Variants in ASAH2B observed in about 807,000 individuals in gnomAD.
ASAH2B encodes the protein putative inactive neutral ceramidase B.
A neutral mutation model predicts 2.9 loss-of-function variants in ASAH2B; 1 was observed. The ratio of observed to expected loss-of-function variants is 0.34; its 90% CI spans 0.12 to 1.63. The LOEUF (loss-of-function observed/expected upper bound fraction) is 1.63, where lower values mean the gene tolerates loss of function less well. Among genes scored for constraint, ASAH2B ranks in the 40% most tolerant of loss-of-function variants. The pLI is 0.36. For synonymous variants in ASAH2B, 4 were observed against 13.3 expected (o/e 0.30, Z 1.52); for missense variants, 9 against 37.7 (o/e 0.24, Z 1.99).
At chr10:50,754,261 A>C (rs1837034669) in intron 5 of ASAH2B, among the ~76,000 whole-genome samples, 1 of 146,100 alleles carries the variant, frequency 6.8e-6, no homozygotes, top group Admixed American at 6.8e-5. Context: ...CAGGAGAGAC[A>C]TCTTGTGGCT....
chr10:50,742,718 C>T (rs1348013650), intron 1 of ASAH2B, among the ~76,000 whole-genome samples, 197 bp from the exon 2 acceptor site: 3 of 152,274 alleles, frequency 2.0e-5, no homozygotes, highest in Middle Eastern at 3.4e-3. Flanking sequence ...CTGCTTTTAA[C>T]AGGTAGTCCA....
rs1410739458 is a variant in ASAH2B at position 50,754,951 on chromosome 10, A to G, written c.*211A>G. On this transcript the variant is annotated 3_prime_UTR_variant, in exon 6 of 6. Coordinates refer to ENST00000647317, the MANE Select transcript of ASAH2B (RefSeq NM_001321958.2). ...GTGTGTGTGTGTATGTGAGAGAGAG[A>G]GAGAGAGAGAGAGGTTTGTCCCATA... The G allele has an allele frequency of 5.4e-5, 24 of 442,816 alleles. No individual in the cohort carries two copies. In the South Asian group the frequency reaches 5.6e-4, roughly 10 times the overall value. The allele number at this position is 442,816 out of a possible 1,614,324, so 27.4% of individuals were successfully genotyped here. A position where few individuals can be genotyped will look rare whatever the true frequency, so the allele number is the denominator to read the frequency against.
At chr10:50,747,860 T>C (rs1379018503) in intron 3 of ASAH2B, among the ~76,000 whole-genome samples, 2 of 151,612 alleles carry the variant, frequency 1.3e-5, no homozygotes, top group Non-Finnish European at 3.0e-5. Context: ...TTTTATGTGT[T>C]GTCTTTGCCT....
intron 5 of ASAH2B, among the ~76,000 whole-genome samples, chr10:50,754,156 T>TACAC (rs1166894183): frequency 2.7e-5 from 4 of 146,576 alleles, no homozygotes; most frequent in Non-Finnish European, 4.5e-5. Context: ...TATATATGTA[T>TACAC]ACACACACAC....
chr10:50,742,073 A>C (rs933405775), intron 1 of ASAH2B, among the ~76,000 whole-genome samples: 26 of 152,320 alleles, frequency 1.7e-4, no homozygotes, highest in African/African-American at 5.5e-4. Context: ...CCCTCATGAC[A>C]TGTGATTTAC....
At chr10:50,741,190 T>G (rs1435640306) in intron 1 of ASAH2B, among the ~76,000 whole-genome samples, 1 of 152,240 alleles carries the variant, frequency 6.6e-6, no homozygotes, top group African/African-American at 2.4e-5. Context: ...GTTTCCAGGC[T>G]TAAGGGTGGG....
chr10:50,743,012 T>G lies in ASAH2B; in HGVS notation c.-4+2T>G, dbSNP rs890158335. 1.9e-5 allele frequency: 31 copies of G among 1,613,684 alleles called. No individual in the cohort carries two copies. The highest frequency in any genetic ancestry group is 2.6e-5 in the Non-Finnish European group (31 of 1,179,906). On this transcript the variant is annotated splice_donor_variant, in intron 2 of 5. Transcript: ENST00000647317. LOFTEE classifies it low-confidence loss of function (5UTR_SPLICE). ...AACCTTGCTAAGGCTATTGCTACGG[T>G]AATCAAATATTGTTTGTGCGTGCGT...
chr10:50,752,954 T>A (rs1299400770), intron 5 of ASAH2B, among the ~76,000 whole-genome samples: 2 of 105,936 alleles, frequency 1.9e-5, no homozygotes, highest in African/African-American at 2.7e-5. Flanking sequence ...AGTCTATACC[T>A]GACATGTATT....
At chr10:50,743,031 C>T (rs762714922) in intron 2 of ASAH2B, 21 bp downstream of exon 2, 20 of 1,533,148 alleles carry the variant, frequency 1.3e-5, no homozygotes, top group Middle Eastern at 1.7e-4. Flanking sequence ...ATTGTTTGTG[C>T]GTGCGTGCGT....
At chr10:50,745,619 C>T (rs1020058499) in intron 3 of ASAH2B, among the ~76,000 whole-genome samples, 1 of 146,852 alleles carries the variant, frequency 6.8e-6, no homozygotes, top group African/African-American at 2.6e-5. Context: ...ATCTTGTGTC[C>T]TGAAAGCTTG....
At chr10:50,742,303 A>T (rs972430668) in intron 1 of ASAH2B, among the ~76,000 whole-genome samples, 1 of 152,122 alleles carries the variant, frequency 6.6e-6, no homozygotes, top group African/African-American at 2.4e-5. Context: ...AGTCTAAGGT[A>T]ACTGCCGGCT....
At chr10:50,753,212 G>T (rs1485463953) in intron 5 of ASAH2B, among the ~76,000 whole-genome samples, 2 of 133,784 alleles carry the variant, frequency 1.5e-5, no homozygotes, top group East Asian at 4.3e-4. Flanking sequence ...CATGACAGTG[G>T]CATGGAAGTA....
rs1278079741 is a variant in ASAH2B at position 50,755,523 on chromosome 10, C to T, written c.*783C>T. ...TGGATTGTGTCTCTTACTCCCAAGACTTATTCCAAATGATTTTTTGACTCT... is the reference window on the plus strand; with the variant it reads ...TGGATTGTGTCTCTTACTCCCAAGATTTATTCCAAATGATTTTTTGACTCT... On this transcript the variant is annotated 3_prime_UTR_variant, in exon 6 of 6. Coordinates refer to ENST00000647317, the MANE Select transcript of ASAH2B (RefSeq NM_001321958.2). 6.8e-6 allele frequency: 1 copy of T among 147,436 alleles called. No homozygotes were observed. The highest frequency in any genetic ancestry group is 1.5e-5 in the Non-Finnish European group (1 of 66,388). 9.1% of individuals were successfully genotyped at this position (147,436 alleles called of 1,614,324 possible). A position where few individuals can be genotyped will look rare whatever the true frequency, so the allele number is the denominator to read the frequency against.
rs562611734 is a variant in ASAH2B, at chr10:50,744,173, A to G, written c.-3-955A>G. 1.3e-3 allele frequency among the ~76,000 whole-genome samples: 192 copies of G among 151,806 alleles called. 1 individual carries two copies. The highest frequency in any genetic ancestry group is 1.2e-3 in the Non-Finnish European group (80 of 68,004). ...AGATTATACAGAAAAGCATAAACCTATAATCCATCCCTAGAGATAACTACT... is the reference window on the plus strand; with the variant it reads ...AGATTATACAGAAAAGCATAAACCTGTAATCCATCCCTAGAGATAACTACT... On this transcript the variant is annotated intron_variant, in intron 2 of 5. Coordinates refer to ENST00000647317, the MANE Select transcript of ASAH2B (RefSeq NM_001321958.2).
At chr10:50,744,731 A>G (rs1032953998) in intron 2 of ASAH2B, 28 of 167,330 alleles carry the variant, frequency 1.7e-4, no homozygotes, top group Admixed American at 1.0e-3. Context: ...TACTCACTCC[A>G]GGTGAGAGTG....
At chr10:50,743,272 C>A (rs891630717) in intron 2 of ASAH2B, among the ~76,000 whole-genome samples, 28 of 151,956 alleles carry the variant, frequency 1.8e-4, no homozygotes, top group African/African-American at 5.5e-4. Flanking sequence ...ATTTTTACAA[C>A]CATCATGTGA....
rs1383455059 is a variant in ASAH2B, at chr10:50,749,128, G to A, written c.145-215G>A. Among the ~76,000 whole-genome samples the A allele has an allele frequency of 3.6e-5, 5 of 138,934 alleles. No individual in the cohort carries two copies. The East Asian group carries it at 8.3e-4, about 23-fold the overall frequency. The allele number at this position is 138,934 out of a possible 152,430, so 91.1% of individuals were successfully genotyped here. ...AAACTACAGCTCTAGATCTTCACTT[G>A]TATCTGAGTCTACCAAAAGCAAACT... On this transcript the variant is annotated intron_variant, in intron 3 of 5. Transcript: ENST00000647317.
At chr10:50,741,244 T>C (rs1839826436) in intron 1 of ASAH2B, among the ~76,000 whole-genome samples, 1 of 152,244 alleles carries the variant, frequency 6.6e-6, no homozygotes, top group Admixed American at 6.5e-5. Flanking sequence ...TATTTTCCTG[T>C]CTCCTGTCCA....
chr10:50,742,598 G>A (rs1839847340), intron 1 of ASAH2B, among the ~76,000 whole-genome samples: 2 of 152,120 alleles, frequency 1.3e-5, no homozygotes, highest in Admixed American at 1.3e-4. Context: ...ATGCCCTGGG[G>A]GAAAGCACTT....
Sources: gnomAD v4.1 joint callset for allele counts (sites outside exome capture counted in the v4.1 genomes callset) on GRCh38, gnomAD v4.1.1 for gene constraint, MANE v1.5 for transcripts, NCBI Gene and HGNC (gene_info 2026-07-23, HGNC 2026-07-21) for gene names.